The following RBFOX1 variants were observed in gnomAD, a reference collection of about 807,000 sequenced individuals.
The protein encoded by RBFOX1 is RNA binding fox-1 homolog 1.
In RBFOX1, 8 loss-of-function variants were observed where a neutral mutation model predicts 57.7. The ratio of observed to expected loss-of-function variants is 0.14; its 90% CI spans 0.08 to 0.25. The LOEUF (loss-of-function observed/expected upper bound fraction) is 0.25. RBFOX1 is among the 10% of genes least tolerant of loss of function. The probability of loss-of-function intolerance (pLI) is 1.00; values close to 1 mark genes in which losing one functional copy is unlikely to be tolerated. For synonymous variants in RBFOX1, 326 were observed against 222.4 expected, an observed-to-expected ratio of 1.47 and a Z score of -4.15; for missense variants, 611 against 548.5, an observed-to-expected ratio of 1.11 and a Z score of -1.14.
rs529313878 is a variant in RBFOX1 at position 7,664,940 on chromosome 16, A to C, written c.902A>C (p.Gln301Pro). ...PIPAYGGVVY[Q>P]DGFYGADIYG... ...GTGCACCCTTGCAGTGTTGTTTACC[A>C]GGATGGATTTTATGGTGCAGACATT... Residue 301 changes from glutamine (Q) to proline (P), a missense_variant, in exon 13 of 16, where the codon CAG (glutamine) becomes CCG (proline). Around this residue, in one of 3 missense-constraint regions of RBFOX1, gnomAD observed 267 missense variants for 229.1 expected, o/e 1.17. Coordinates refer to ENST00000550418, the MANE Select transcript of RBFOX1 (RefSeq NM_018723.4). The C allele has an allele frequency of 1.2e-6, 2 of 1,613,972 alleles. No individual in the cohort carries two copies. Among genetic ancestry groups the C allele is most frequent in the Admixed American group, 3.3e-5 (2 of 60,022 alleles).
intron 4 of RBFOX1, among the ~76,000 whole-genome samples, chr16:5,991,803 A>C (rs1329486360): frequency 6.6e-6 from 1 of 152,076 alleles, no homozygotes; most frequent in East Asian, 1.9e-4. Flanking sequence ...TAAGACTTCT[A>C]ACCTCCTTCA....
At chr16:6,279,774 T>G (rs2076189548) in intron 1 of RBFOX1, among the ~76,000 whole-genome samples, 1 of 152,208 alleles carries the variant, frequency 6.6e-6, no homozygotes, top group South Asian at 2.1e-4. Context: ...TTAATAGGCT[T>G]AGACAAAACC....
At chr16:6,853,379 T>G (rs951112026) in intron 3 of RBFOX1, among the ~76,000 whole-genome samples, 1 of 152,144 alleles carries the variant, frequency 6.6e-6, no homozygotes, top group African/African-American at 2.4e-5. Flanking sequence ...GTTGGCTGCA[T>G]AACGTTGAAT....
rs1008563936 is a variant in RBFOX1 at position 7,710,274 on chromosome 16, G to T, written c.1072-349G>T. On this transcript the variant is annotated intron_variant, in intron 15 of 15. Transcript: ENST00000550418. ...CACATGAGGAATGTGTTGGAGAGTTGAATTACATTCAACAACTGGTCCAAA... is the reference window on the plus strand; with the variant it reads ...CACATGAGGAATGTGTTGGAGAGTTTAATTACATTCAACAACTGGTCCAAA... 5 of 1,111,938 alleles carry T rather than the reference G, an allele frequency of 4.5e-6. No individual in the cohort carries two copies. In the Admixed American group the frequency reaches 2.1e-4, roughly 47 times the overall value. The allele number at this position is 1,111,938 out of a possible 1,614,324, so 68.9% of individuals were successfully genotyped here.
chr16:6,368,894 A>C (rs1203174838), intron 2 of RBFOX1, among the ~76,000 whole-genome samples: 1 of 152,218 alleles, frequency 6.6e-6, no homozygotes, highest in East Asian at 1.9e-4. Context: ...GTGGTAAAGT[A>C]ACGCAGTGGA....
At chr16:7,386,646 G>A (rs2097887838) in intron 4 of RBFOX1, among the ~76,000 whole-genome samples, 1 of 152,030 alleles carries the variant, frequency 6.6e-6, no homozygotes, top group African/African-American at 2.4e-5. Context: ...ATTTGGGTTG[G>A]TTCCAAGTCT....
intron 1 of RBFOX1, among the ~76,000 whole-genome samples, chr16:6,063,938 A>G (rs2095723684): frequency 6.6e-6 from 1 of 152,192 alleles, no homozygotes; most frequent in Non-Finnish European, 1.5e-5. Flanking sequence ...TAAGCATAAC[A>G]CATATAATAT....
intron 1 of RBFOX1, among the ~76,000 whole-genome samples, chr16:5,452,460 A>G (rs934854798): frequency 2.0e-5 from 3 of 151,846 alleles, no homozygotes; most frequent in African/African-American, 7.3e-5. Context: ...TGGATACTAC[A>G]GATTTCACTT....
intron 3 of RBFOX1, among the ~76,000 whole-genome samples, chr16:5,797,532 C>G (rs565373540): frequency 8.5e-5 from 13 of 152,284 alleles, no homozygotes; most frequent in Non-Finnish European, 1.6e-4. Flanking sequence ...TAGCTGGGGA[C>G]CAATTATGAA....
intron 2 of RBFOX1, among the ~76,000 whole-genome samples, chr16:6,560,654 G>C (rs747837331): frequency 6.6e-6 from 1 of 152,164 alleles, no homozygotes; most frequent in Non-Finnish European, 1.5e-5. Flanking sequence ...AGTAAAATAG[G>C]GTCTTGACTT....
chr16:7,217,776 T>A (rs1337488997), intron 4 of RBFOX1, among the ~76,000 whole-genome samples: 2 of 152,226 alleles, frequency 1.3e-5, no homozygotes, highest in Non-Finnish European at 2.9e-5. Flanking sequence ...AAAGAACATT[T>A]TTATAGTGAA....
At chr16:6,371,552 T>G (rs1449693866) in intron 2 of RBFOX1, among the ~76,000 whole-genome samples, 2 of 152,098 alleles carry the variant, frequency 1.3e-5, no homozygotes, top group African/African-American at 2.4e-5. Flanking sequence ...TTTAATAACA[T>G]CCTTATTCCT....
chr16:7,597,615 G>A (rs1305176607), intron 9 of RBFOX1, among the ~76,000 whole-genome samples, 184 bp downstream of exon 9: 1 of 152,216 alleles, frequency 6.6e-6, no homozygotes, highest in African/African-American at 2.4e-5. Context: ...GGCAAATGGA[G>A]TGTTCAGGTT....
intron 4 of RBFOX1, among the ~76,000 whole-genome samples, chr16:5,899,177 A>C (rs1597697551): frequency 6.7e-6 from 1 of 149,772 alleles, no homozygotes; most frequent in South Asian, 2.1e-4. Flanking sequence ...TAGGCTACTG[A>C]CTATCCACTG....
At chr16:6,211,852 A>G (rs2097300565) in intron 1 of RBFOX1, among the ~76,000 whole-genome samples, 1 of 150,922 alleles carries the variant, frequency 6.6e-6, no homozygotes, top group South Asian at 2.1e-4. Flanking sequence ...TTATTTATTT[A>G]TTTATTTATT....
At chr16:7,111,718 C>A (rs568326598) in intron 4 of RBFOX1, among the ~76,000 whole-genome samples, 1 of 151,752 alleles carries the variant, frequency 6.6e-6, no homozygotes, top group East Asian at 1.9e-4. Context: ...TCTGAAAGGA[C>A]CTGGTCTTTA....
intron 1 of RBFOX1, among the ~76,000 whole-genome samples, chr16:6,299,192 C>G (rs2078497181): frequency 6.6e-6 from 1 of 152,164 alleles, no homozygotes; most frequent in Non-Finnish European, 1.5e-5. Flanking sequence ...ATGCAAGTGT[C>G]CGATGCAGGG....
intron 2 of RBFOX1, among the ~76,000 whole-genome samples, chr16:6,320,994 A>G (rs2152786164): frequency 6.6e-6 from 1 of 152,262 alleles, no homozygotes; most frequent in Non-Finnish European, 1.5e-5. Context: ...GGGTTTTGCC[A>G]TGTTGGCCAG....
chr16:6,826,320 C>G (rs1419276030), intron 3 of RBFOX1, among the ~76,000 whole-genome samples: 1 of 152,126 alleles, frequency 6.6e-6, no homozygotes, highest in African/African-American at 2.4e-5. Flanking sequence ...CAAGACCAGC[C>G]TAGGCAACAT....
Sources: gnomAD v4.1 joint callset for allele counts (sites outside exome capture counted in the v4.1 genomes callset) on GRCh38, gnomAD v4.1.1 for gene constraint, gnomAD v4.1.1 regional missense constraint, MANE v1.5 for transcripts, NCBI Gene and HGNC (gene_info 2026-07-23, HGNC 2026-07-21) for gene names.